Variants in CDH13 observed in about 807,000 individuals in gnomAD.
The protein encoded by CDH13 is cadherin 13, also known as cadherin-13.
CDH13 carries 24 observed loss-of-function variants against 63.8 expected under a neutral mutation model. That is an observed-to-expected ratio of 0.38 (90% CI 0.27 to 0.53). The LOEUF (loss-of-function observed/expected upper bound fraction) is 0.53, where lower values mean the gene tolerates loss of function less well. CDH13 is among the 20% of genes least tolerant of loss of function. CDH13 has a pLI of 0.85. For missense variants in CDH13, 1,049 were observed against 903.1 expected, an observed-to-expected ratio of 1.16 and a Z score of -2.07; for synonymous variants, 503 against 355.3, an observed-to-expected ratio of 1.42 and a Z score of -4.67.
At chr16:82,995,839 C>T (rs1912147429) in intron 2 of CDH13, among the ~76,000 whole-genome samples, 1 of 152,138 alleles carries the variant, frequency 6.6e-6, no homozygotes, top group African/African-American at 2.4e-5. Context: ...AAAGATGATT[C>T]AACCCTCTCG....
chr16:83,276,127 C>T (rs1344592420), intron 5 of CDH13, among the ~76,000 whole-genome samples: 1 of 152,142 alleles, frequency 6.6e-6, no homozygotes, highest in East Asian at 1.9e-4. Context: ...TTCAAACTCG[C>T]CCCACACTCT....
intron 1 of CDH13, among the ~76,000 whole-genome samples, chr16:82,816,409 A>G (rs980058464): frequency 1.3e-5 from 2 of 152,180 alleles, no homozygotes; most frequent in African/African-American, 4.8e-5. Flanking sequence ...GAAAATAAGT[A>G]AAATGTGTGC....
At chr16:83,107,868 G>C (rs2034853116) in intron 3 of CDH13, among the ~76,000 whole-genome samples, 1 of 151,830 alleles carries the variant, frequency 6.6e-6, no homozygotes, top group Non-Finnish European at 1.5e-5. Flanking sequence ...TGCCCAGGCT[G>C]GAGTGCATTG....
intron 13 of CDH13, among the ~76,000 whole-genome samples, chr16:83,785,480 C>G (rs1915819739): frequency 1.3e-5 from 2 of 152,186 alleles, no homozygotes; most frequent in African/African-American, 4.8e-5. Flanking sequence ...AGCATATAAA[C>G]TTTGGAGGGG....
intron 2 of CDH13, among the ~76,000 whole-genome samples, chr16:82,917,914 C>CAAAAAAAAAAAAA (rs34766700): frequency 1.5e-4 from 7 of 45,952 alleles, no homozygotes; most frequent in African/African-American, 4.8e-4. Context: ...GACTCCATGT[C>CAAAAAAAAAAAAA]AAAAAAAAAA....
intron 5 of CDH13, among the ~76,000 whole-genome samples, chr16:83,296,952 T>C (rs1053605366): frequency 4.6e-5 from 7 of 152,140 alleles, no homozygotes; most frequent in East Asian, 1.9e-4. Context: ...TGCAGAGCCA[T>C]TGGGGACTTT....
At chr16:83,276,787 C>G (rs572535208) in intron 5 of CDH13, among the ~76,000 whole-genome samples, 391 of 152,268 alleles carry the variant, frequency 2.6e-3, no homozygotes, top group Non-Finnish European at 4.7e-3. Flanking sequence ...AGAAGAATGG[C>G]ATGAACATGG....
chr16:82,993,061 A>C (rs753714833), intron 2 of CDH13, among the ~76,000 whole-genome samples: 13 of 152,130 alleles, frequency 8.5e-5, no homozygotes, highest in Non-Finnish European at 1.3e-4. Flanking sequence ...TGTTTCCTCA[A>C]GACTTACCAG....
chr16:83,742,735 T>A (rs576802525), intron 10 of CDH13, among the ~76,000 whole-genome samples: 4 of 152,314 alleles, frequency 2.6e-5, no homozygotes, highest in Admixed American at 2.6e-4. Context: ...GGCTCCACCG[T>A]TCATTGTCTC....
At chr16:82,810,651 G>A (rs1427238349) in intron 1 of CDH13, among the ~76,000 whole-genome samples, 1 of 152,090 alleles carries the variant, frequency 6.6e-6, no homozygotes. Flanking sequence ...CAGCCCCCAT[G>A]GCTGGTCAAG....
chr16:83,361,129 C>T (rs2091153756), intron 6 of CDH13, among the ~76,000 whole-genome samples: 2 of 152,138 alleles, frequency 1.3e-5, no homozygotes, highest in African/African-American at 4.8e-5. Context: ...AATAGCCATT[C>T]CAACTGGTGT....
intron 4 of CDH13, among the ~76,000 whole-genome samples, chr16:83,137,710 G>A (rs16959393): frequency 0.19 from 29,424 of 152,094 alleles, 3,285 homozygotes; most frequent in Non-Finnish European, 0.24. Flanking sequence ...TGACTCAGTC[G>A]ATAAGGGCCG....
intron 5 of CDH13, among the ~76,000 whole-genome samples, chr16:83,303,835 A>C (rs1185761117): frequency 6.6e-6 from 1 of 152,172 alleles, no homozygotes; most frequent in Non-Finnish European, 1.5e-5. Flanking sequence ...CCCTTAAACT[A>C]CACCTTGGCA....
chr16:82,641,904 A>T (rs1243437171), intron 1 of CDH13, among the ~76,000 whole-genome samples: 1 of 152,146 alleles, frequency 6.6e-6, no homozygotes, highest in Admixed American at 6.5e-5. Context: ...GAGTGCCATG[A>T]AGAATGAGAA....
At chr16:82,710,532 CAA>C (rs71913517) in intron 1 of CDH13, among the ~76,000 whole-genome samples, 2,765 of 55,580 alleles carry the variant, frequency 0.05, 23 homozygotes, top group Non-Finnish European at 0.064. Flanking sequence ...GACTCTGTCT[CAA>C]AAAAAAAAAA....
chr16:83,493,787 A>G lies in CDH13; in HGVS notation c.960+7132A>G, dbSNP rs137907078. ...TAAACACAGCTCTGTTCAACACAGCATTCACAGAGCTGTGACTTGGACAGA... is the reference window on the plus strand; with the variant it reads ...TAAACACAGCTCTGTTCAACACAGCGTTCACAGAGCTGTGACTTGGACAGA... On this transcript the variant is annotated intron_variant, in intron 7 of 13. Coordinates refer to ENST00000567109, the MANE Select transcript of CDH13 (RefSeq NM_001257.5). Among the ~76,000 whole-genome samples the G allele has an allele frequency of 1.2e-4, 19 of 152,366 alleles. No homozygotes were observed. The East Asian group carries it at 3.5e-3, about 28-fold the overall frequency.
Position 83,454,309 on chromosome 16 carries a change from C to T in CDH13, c.782-32168C>T, listed in dbSNP as rs141946840. 2.1e-3 allele frequency among the ~76,000 whole-genome samples: 319 copies of T among 152,308 alleles called. 3 individuals are homozygous for T. Among genetic ancestry groups the T allele is most frequent in the African/African-American group, 7.2e-3 (298 of 41,562 alleles). ...TGAGAAGTAAAATCTGTTTTGTGTG[C>T]ATGATACACATTCCCAAATAAGCCC... On this transcript the variant is annotated intron_variant, in intron 6 of 13. Transcript: ENST00000567109.
chr16:82,632,796 A>G (rs1331310660), intron 1 of CDH13, among the ~76,000 whole-genome samples: 1 of 152,214 alleles, frequency 6.6e-6, no homozygotes, highest in Non-Finnish European at 1.5e-5. Context: ...TAATGAAATA[A>G]TTCTACAACT....
At chr16:82,847,224 C>T (rs1597788411) in intron 1 of CDH13, among the ~76,000 whole-genome samples, 1 of 152,186 alleles carries the variant, frequency 6.6e-6, no homozygotes, top group African/African-American at 2.4e-5. Flanking sequence ...CCAATGGCTG[C>T]TGTAACAAAT....
Sources: allele counts gnomAD v4.1 joint callset (sites outside exome capture counted in the v4.1 genomes callset), GRCh38; gene constraint gnomAD v4.1.1; transcripts MANE v1.5; gene names NCBI Gene and HGNC (gene_info 2026-07-23, HGNC 2026-07-21).